MAST4: variants seen among roughly 807,000 people sequenced by gnomAD.
MAST4 encodes microtubule-associated serine/threonine-protein kinase 4.
MAST4 carries 89 observed loss-of-function variants against 162.7 expected under a neutral mutation model. The observed-to-expected ratio is 0.55, with a 90% CI of 0.46 to 0.65. MAST4 has a LOEUF of 0.65. Among genes scored for constraint, MAST4 ranks in the 30% least tolerant of loss-of-function variants. MAST4 has a pLI of 0.00. For missense variants in MAST4, 3,153 were observed against 3,374.0 expected (o/e 0.93, Z 1.62); for synonymous variants, 1,479 against 1,361.1 (o/e 1.09, Z -1.91).
intron 4 of MAST4, among the ~76,000 whole-genome samples, chr5:66,992,345 G>A (rs73766126): frequency 0.022 from 3,282 of 152,154 alleles, 46 homozygotes; most frequent in African/African-American, 0.04. Flanking sequence ...TCAGTGTTTC[G>A]CATCTTCACT....
At chr5:66,999,171 C>T (rs1163834946) in intron 4 of MAST4, among the ~76,000 whole-genome samples, 1 of 152,228 alleles carries the variant, frequency 6.6e-6, no homozygotes, top group Non-Finnish European at 1.5e-5. Context: ...CCCTTCATCC[C>T]TGTAAGGATG....
chr5:66,780,856 C>T (rs1185922005), intron 2 of MAST4, among the ~76,000 whole-genome samples: 1 of 152,176 alleles, frequency 6.6e-6, no homozygotes, highest in East Asian at 1.9e-4. Context: ...AATCCTTTAG[C>T]TAGACACAGA....
At chr5:66,801,369 C>A (rs1395315024) in intron 3 of MAST4, among the ~76,000 whole-genome samples, 1 of 151,960 alleles carries the variant, frequency 6.6e-6, no homozygotes, top group Admixed American at 6.6e-5. Flanking sequence ...TGACTATCAG[C>A]CAACCTGTAA....
At chr5:66,705,482 G>A (rs1322854271) in intron 1 of MAST4, among the ~76,000 whole-genome samples, 1 of 152,202 alleles carries the variant, frequency 6.6e-6, no homozygotes, top group African/African-American at 2.4e-5. Context: ...GATGAATGTT[G>A]TGGTGTTATA....
chr5:67,079,161 C>G (rs141071314), intron 5 of MAST4, among the ~76,000 whole-genome samples: 5 of 149,984 alleles, frequency 3.3e-5, no homozygotes, highest in Non-Finnish European at 7.4e-5. Context: ...CTTGGAAGTA[C>G]GTAAATATTT....
At chr5:66,979,123 G>C (rs1054076433) in intron 4 of MAST4, among the ~76,000 whole-genome samples, 6 of 152,158 alleles carry the variant, frequency 3.9e-5, no homozygotes, top group Non-Finnish European at 5.9e-5. Flanking sequence ...CCATTTTGAA[G>C]ATAACAGTTT....
Position 67,104,419 on chromosome 5 carries a change from T to C in MAST4, c.1200T>C (p.Pro400=). Residue 400 remains proline (P), a synonymous_variant, in exon 10 of 29, where the codon CCT becomes CCC. Coordinates refer to ENST00000403625, the MANE Select transcript of MAST4 (RefSeq NM_001164664.2). ...AGGAAATTATCACCAGCTACTCTCC[T>C]GACAACGTTCTACCCTTAGCAGATG... ...RLKEIITSYS[P]DNVLPLADGV... is the part of the protein sequence containing the mutation. 6.2e-7 allele frequency: 1 copy of C among 1,613,944 alleles called. No homozygotes were observed. The highest frequency in any genetic ancestry group is 8.5e-7 in the Non-Finnish European group (1 of 1,179,828).
At chr5:66,660,428 T>C (rs1385206371) in intron 1 of MAST4, among the ~76,000 whole-genome samples, 1 of 152,220 alleles carries the variant, frequency 6.6e-6, no homozygotes, top group Non-Finnish European at 1.5e-5. Flanking sequence ...TGTGGTTCAC[T>C]GCTATACATT....
chr5:66,697,942 A>G (rs1051573052), intron 1 of MAST4, among the ~76,000 whole-genome samples: 2 of 152,200 alleles, frequency 1.3e-5, no homozygotes, highest in Non-Finnish European at 1.5e-5. Context: ...GTCAACACCC[A>G]TAAGCTACAG....
chr5:67,072,195 A>G (rs1303956662), intron 5 of MAST4, among the ~76,000 whole-genome samples: 2 of 152,342 alleles, frequency 1.3e-5, no homozygotes, highest in Non-Finnish European at 2.9e-5. Flanking sequence ...TGAAATATAA[A>G]TGTGAAAAGT....
Position 66,757,016 on chromosome 5 carries a change from T to G in MAST4, c.364-2693T>G, listed in dbSNP as rs183311342. Among the ~76,000 whole-genome samples, 707 of 151,702 alleles carry G rather than the reference T, an allele frequency of 4.7e-3. 6 individuals are homozygous for G. Among genetic ancestry groups the G allele is most frequent in the African/African-American group, 0.017 (689 of 41,106 alleles). ...TATGTGCGATATGTGATGAATTAGG[T>G]TTTTTTTCTGTTTTCTCCTTGATTT... On this transcript the variant is annotated intron_variant, in intron 1 of 28. Coordinates refer to ENST00000403625, the MANE Select transcript of MAST4 (RefSeq NM_001164664.2).
intron 1 of MAST4, among the ~76,000 whole-genome samples, chr5:66,745,818 C>T (rs1430263918): frequency 6.6e-6 from 1 of 152,174 alleles, no homozygotes; most frequent in African/African-American, 2.4e-5. Context: ...TAGCTTTAAC[C>T]TTTAGCGCAA....
At chr5:67,006,626 G>A (rs1054411809) in intron 4 of MAST4, among the ~76,000 whole-genome samples, 3 of 152,154 alleles carry the variant, frequency 2.0e-5, no homozygotes, top group African/African-American at 7.2e-5. Context: ...TTCTGGCATC[G>A]TATGTGTGTG....
At chr5:66,721,460 G>A (rs1235797266) in intron 1 of MAST4, among the ~76,000 whole-genome samples, 2 of 151,916 alleles carry the variant, frequency 1.3e-5, no homozygotes, top group East Asian at 1.9e-4. Context: ...TGGCCTCTGG[G>A]ACACCTCCAA....
At chr5:67,093,410 G>A (rs1271521149) in intron 6 of MAST4, among the ~76,000 whole-genome samples, 1 of 152,154 alleles carries the variant, frequency 6.6e-6, no homozygotes, top group East Asian at 1.9e-4. Context: ...CTTGAAAAAA[G>A]GGCATGTTCT....
chr5:66,935,738 G>A (rs1243423862), intron 4 of MAST4, among the ~76,000 whole-genome samples: 2 of 151,012 alleles, frequency 1.3e-5, no homozygotes, highest in Non-Finnish European at 2.9e-5. Flanking sequence ...CACAATCTCA[G>A]TTCACTGCCA....
intron 4 of MAST4, among the ~76,000 whole-genome samples, chr5:66,966,568 T>C (rs1746759648): frequency 6.6e-6 from 1 of 152,046 alleles, no homozygotes; most frequent in Non-Finnish European, 1.5e-5. Context: ...GGCATCAACA[T>C]TTAGCTGGTG....
chr5:66,905,176 G>T (rs1242831681), intron 4 of MAST4, among the ~76,000 whole-genome samples: 1 of 151,910 alleles, frequency 6.6e-6, no homozygotes, highest in Non-Finnish European at 1.5e-5. Context: ...GCTTGGAGGC[G>T]CATGCCTGTA....
intron 1 of MAST4, among the ~76,000 whole-genome samples, chr5:66,673,593 C>T (rs1747762964): frequency 6.9e-6 from 1 of 145,432 alleles, no homozygotes; most frequent in Non-Finnish European, 1.5e-5. Flanking sequence ...GTGGCGCGAT[C>T]ACAGCTCACT....
Sources: gnomAD v4.1 joint callset for allele counts (sites outside exome capture counted in the v4.1 genomes callset) on GRCh38, gnomAD v4.1.1 for gene constraint, MANE v1.5 for transcripts, NCBI Gene and HGNC (gene_info 2026-07-23, HGNC 2026-07-21) for gene names.